The following MAN1C1 variants were observed in gnomAD, a reference collection of about 807,000 sequenced individuals.
The protein encoded by MAN1C1 is mannosidase alpha class 1C member 1, also known as mannosyl-oligosaccharide 1,2-alpha-mannosidase IC.
A neutral mutation model predicts 71.5 loss-of-function variants in MAN1C1; 49 were observed. The observed-to-expected ratio is 0.69, with a 90% CI of 0.54 to 0.87. The LOEUF is 0.87. MAN1C1 is among the 40% of genes least tolerant of loss of function. The pLI is 0.00. For missense variants in MAN1C1, 743 were observed against 835.0 expected (o/e 0.89, Z 1.36); for synonymous variants, 352 against 343.7 (o/e 1.02, Z -0.27).
intron 1 of MAN1C1, among the ~76,000 whole-genome samples, chr1:25,625,996 T>C (rs1287311682): frequency 1.3e-5 from 2 of 152,266 alleles, no homozygotes; most frequent in African/African-American, 4.8e-5. Flanking sequence ...TGTTTATTCG[T>C]TCACCTGTTG....
Position 25,753,608 on chromosome 1 carries a change from C to T in MAN1C1, c.929+30C>T. 1 of 1,586,506 alleles carries T rather than the reference C, an allele frequency of 6.3e-7. No homozygotes were observed. The highest frequency in any genetic ancestry group is 8.6e-7 in the Non-Finnish European group (1 of 1,157,300). On this transcript the variant is annotated intron_variant, in intron 5 of 11. Coordinates refer to ENST00000374332, the MANE Select transcript of MAN1C1 (RefSeq NM_020379.4). The surrounding 1 kb of genome is among the most constrained non-coding windows in gnomAD (Gnocchi z 4.9). ...GGCGCCATCGCGTTCCCCACTGGGG[C>T]TTTACTGCGACCATGCCCACCATTT...
chr1:25,750,929 G>T (rs1283054730), intron 4 of MAN1C1, among the ~76,000 whole-genome samples: 1 of 152,206 alleles, frequency 6.6e-6, no homozygotes, highest in Non-Finnish European at 1.5e-5. Context: ...ATTCAGGAAA[G>T]AGTTGGTGGC....
Position 25,782,023 on chromosome 1 carries a change from C to A in MAN1C1, c.1651-562C>A, listed in dbSNP as rs2047702775. The stretch of plus-strand genomic sequence containing the variant: ...GCTCGAACTGCAGAGGTTGAAGCTG[C>A]AGAGTGAGCTCTGATCGCCCCACTG... On this transcript the variant is annotated intron_variant, in intron 10 of 11. Coordinates refer to ENST00000374332, the MANE Select transcript of MAN1C1 (RefSeq NM_020379.4). This position sits in a 1 kb window ranked among gnomAD's most constrained non-coding sequence, Gnocchi z 4.4. 6.6e-6 allele frequency among the ~76,000 whole-genome samples: 1 copy of A among 152,144 alleles called. No individual in the cohort carries two copies. The highest frequency in any genetic ancestry group is 6.5e-5 in the Admixed American group (1 of 15,278).
At chr1:25,721,689 T>C (rs574510685) in intron 2 of MAN1C1, among the ~76,000 whole-genome samples, 6 of 152,240 alleles carry the variant, frequency 3.9e-5, no homozygotes, top group Non-Finnish European at 8.8e-5. Context: ...GATTTTTCAT[T>C]TACAAGATGT....
chr1:25,783,824 G>T lies in MAN1C1; in HGVS notation c.*35G>T. 1 of 1,599,396 alleles carries T rather than the reference G, an allele frequency of 6.3e-7. No individual in the cohort carries two copies. On this transcript the variant is annotated 3_prime_UTR_variant, in exon 12 of 12. Coordinates refer to ENST00000374332, the MANE Select transcript of MAN1C1 (RefSeq NM_020379.4). ...CTGCCGCCGCCCTGGGGCCGCCGCAGGGATGCCTTGCCTTTTCAGGATTTG... is the reference window on the plus strand; with the variant it reads ...CTGCCGCCGCCCTGGGGCCGCCGCATGGATGCCTTGCCTTTTCAGGATTTG...
intron 3 of MAN1C1, among the ~76,000 whole-genome samples, chr1:25,747,663 G>A (rs1163222581): frequency 6.6e-6 from 1 of 152,188 alleles, no homozygotes; most frequent in Non-Finnish European, 1.5e-5. Flanking sequence ...GGTGGAGAGA[G>A]AGTCTGGGAG....
intron 1 of MAN1C1, among the ~76,000 whole-genome samples, chr1:25,623,680 G>A (rs1042112073): frequency 4.6e-5 from 7 of 152,162 alleles, no homozygotes; most frequent in Non-Finnish European, 4.4e-5. Context: ...CCCTGTGTAG[G>A]GAAGCTGCTT....
At chr1:25,783,536 G>C in intron 11 of MAN1C1, 127 bp from the exon 12 acceptor site, 1 of 1,059,108 alleles carries the variant, frequency 9.4e-7, no homozygotes, top group Non-Finnish European at 1.4e-6. Flanking sequence ...CAGTTTTGGG[G>C]TTGCAAGGCT....
intron 1 of MAN1C1, among the ~76,000 whole-genome samples, chr1:25,652,038 G>A (rs2045700226): frequency 1.3e-5 from 2 of 152,200 alleles, no homozygotes; most frequent in Admixed American, 1.3e-4. Flanking sequence ...GCCCAGCAAT[G>A]GCCACTCAAA....
At position 25,672,784 on chromosome 1, in the gene MAN1C1, AG is replaced by A. The variant is rs376284343; in HGVS notation, c.541-13650del. 2.4e-4 allele frequency among the ~76,000 whole-genome samples: 36 copies of A among 152,264 alleles called. No individual in the cohort carries two copies. The South Asian group carries it at 7.2e-3, about 31-fold the overall frequency. ...GCCATTGATCTTCCTGCCCTAGGCA[AG>A]GGGGGCTGTGTGTGTTTGAGGTGAT... On this transcript the variant is annotated intron_variant, in intron 1 of 11. Transcript: ENST00000374332.
intron 2 of MAN1C1, among the ~76,000 whole-genome samples, chr1:25,729,505 G>A (rs888398536): frequency 2.7e-5 from 4 of 147,478 alleles, no homozygotes; most frequent in Non-Finnish European, 5.9e-5. Context: ...ATGGTGTCTC[G>A]CTCTGTTGCC....
intron 1 of MAN1C1, among the ~76,000 whole-genome samples, chr1:25,626,770 A>T (rs2045301165): frequency 6.6e-6 from 1 of 152,194 alleles, no homozygotes. Context: ...AGAATGCTTC[A>T]TATATTCTAG....
intron 6 of MAN1C1, among the ~76,000 whole-genome samples, chr1:25,762,643 G>A (rs903423235): frequency 1.3e-4 from 19 of 151,566 alleles, no homozygotes; most frequent in African/African-American, 4.6e-4. Context: ...GCCACGGCTG[G>A]TCTCAAACTC....
intron 4 of MAN1C1, among the ~76,000 whole-genome samples, chr1:25,751,361 C>T (rs1261789175): frequency 6.6e-6 from 1 of 151,852 alleles, no homozygotes. Context: ...TTCCATGCAT[C>T]TTCCCTGCAT....
At position 25,770,397 on chromosome 1, in the gene MAN1C1, T is replaced by TG. The variant is rs369545820; in HGVS notation, c.1142-1257dup. 2.6e-4 allele frequency among the ~76,000 whole-genome samples: 40 copies of TG among 152,380 alleles called. 1 individual carries two copies. The highest frequency in any genetic ancestry group is 9.6e-4 in the African/African-American group (40 of 41,602). ...CTGGCCTCCTCTCGACCCCCATTCC[T>TG]GGGTCCCATCTGTCTTTGCCCTGTC... is the stretch of plus-strand genomic sequence containing the variant. On this transcript the variant is annotated intron_variant, in intron 7 of 11. Transcript: ENST00000374332.
chr1:25,704,264 C>G (rs549422081), intron 2 of MAN1C1, among the ~76,000 whole-genome samples: 2 of 152,328 alleles, frequency 1.3e-5, no homozygotes, highest in South Asian at 4.1e-4. Context: ...GTGTTTCTGT[C>G]TTTGGAGAAC....
rs199864965 is a variant in MAN1C1 at position 25,778,212 on chromosome 1, C to T, written c.1365C>T (p.Ser455=). 1.7e-5 allele frequency: 28 copies of T among 1,613,900 alleles called. No homozygotes were observed. The African/African-American group carries it at 2.3e-4, about 13-fold the overall frequency. The change falls in exon 9 of 12, where the codon TCC becomes TCT. Residue 455 remains serine (S), a synonymous_variant. Coordinates refer to ENST00000374332, the MANE Select transcript of MAN1C1 (RefSeq NM_020379.4). The surrounding 1 kb of genome is among the most constrained non-coding windows in gnomAD (Gnocchi z 5.5). The part of the protein sequence containing the change: ...DHKMGHLACF[S]GGMIALGAED... ...AGATGGGGCACCTGGCCTGTTTCTC[C>T]GGGGGCATGATCGCCCTTGGCGCCG... is the stretch of plus-strand genomic sequence containing the variant.
Position 25,618,019 on chromosome 1 carries a change from G to T in MAN1C1, c.222G>T (p.Pro74=). ...TGGCTGAAATCGCCGGCCATGCCCC[G>T]GCCCGCGAGCAGGAGCCGCCTCCCA... ...EVVAEIAGHA[P]AREQEPPPNP... Residue 74 remains proline (P), a synonymous_variant, in exon 1 of 12, where the codon CCG becomes CCT. Coordinates refer to ENST00000374332, the MANE Select transcript of MAN1C1 (RefSeq NM_020379.4). The T allele has an allele frequency of 6.3e-7, 1 of 1,599,250 alleles. No homozygotes were observed.
intron 9 of MAN1C1, 147 bp from the exon 10 acceptor site, chr1:25,780,793 A>T: frequency 1.3e-6 from 1 of 755,700 alleles, no homozygotes; most frequent in Non-Finnish European, 2.2e-6. Context: ...GCAGCCTTAC[A>T]CAGCAGTCCA....
Sources: gnomAD v4.1 joint callset for allele counts (sites outside exome capture counted in the v4.1 genomes callset) on GRCh38, gnomAD v4.1.1 for gene constraint, Gnocchi (gnomAD v3.1) non-coding constraint, MANE v1.5 for transcripts, NCBI Gene and HGNC (gene_info 2026-07-23, HGNC 2026-07-21) for gene names.